The following MYOCD variants were observed in gnomAD, a reference collection of about 807,000 sequenced individuals.
The protein encoded by MYOCD is myocardin.
Under a neutral mutation model 96.1 loss-of-function variants are expected in MYOCD, and 32 were observed. That is an observed-to-expected ratio of 0.33 (90% CI 0.25 to 0.45). The LOEUF is 0.45. Ranked by LOEUF, MYOCD falls within the 20% of genes least tolerant of loss-of-function variation. The pLI, the probability that MYOCD is intolerant of heterozygous loss-of-function variation, is 1.00. For synonymous variants in MYOCD, 469 were observed against 469.0 expected (o/e 1.00, Z 0.00); for missense variants, 1,133 against 1,200.6 (o/e 0.94, Z 0.83).
chr17:12,717,400 G>C lies in MYOCD; in HGVS notation c.232G>C (p.Val78Leu), dbSNP rs760467742. ...AAACAGGTGCAACAGTGCCGACTTGGTTAATATGCACATACTCCAAGGTAA... is the reference window on the plus strand; with the variant it reads ...AAACAGGTGCAACAGTGCCGACTTGCTTAATATGCACATACTCCAAGGTAA... ...ARNRCNSADL[V>L]NMHILQASTA... The change falls in exon 4 of 14, where the codon GTT becomes CTT. Residue 78 changes from valine (V) to leucine (L), a missense_variant. Coordinates refer to ENST00000425538, the MANE Select transcript of MYOCD (RefSeq NM_001146312.3). The C allele has an allele frequency of 1.9e-6, 3 of 1,613,936 alleles. No individual in the cohort carries two copies. In the Admixed American group the frequency reaches 5.0e-5, roughly 27 times the overall value.
chr17:12,753,241 G>T lies in MYOCD; in HGVS notation c.1953G>T (p.Leu651Phe). ...GAVKSPQHIS[L>F]PPSPNNPHFL... ...TGAAAAGCCCACAGCACATCAGTTT[G>T]CCCCCATCACCCAACAACCCTCACT... The change falls in exon 10 of 14, where the codon TTG (leucine) becomes TTT (phenylalanine). Residue 651 changes from leucine to phenylalanine, a missense_variant. By Grantham distance (22) the Leu-to-Phe change is conservative. Transcript: ENST00000425538. The T allele has an allele frequency of 1.2e-6, 2 of 1,614,146 alleles. No homozygotes were observed. Among genetic ancestry groups the T allele is most frequent in the Non-Finnish European group, 1.7e-6 (2 of 1,180,038 alleles).
At chr17:12,691,420 C>G (rs979605982) in intron 1 of MYOCD, among the ~76,000 whole-genome samples, 1 of 152,156 alleles carries the variant, frequency 6.6e-6, no homozygotes. Flanking sequence ...TCAGGAGCCT[C>G]ATTCTAATTG....
chr17:12,699,908 CTTTT>C (rs35667292), intron 1 of MYOCD, among the ~76,000 whole-genome samples: 1 of 101,520 alleles, frequency 9.9e-6, no homozygotes, highest in African/African-American at 4.5e-5. Flanking sequence ...TTTTTTTTAC[CTTTT>C]TTTTTTTTTT....
At chr17:12,666,368 C>A in intron 1 of MYOCD, 125 bp downstream of exon 1, 1 of 735,968 alleles carries the variant, frequency 1.4e-6, no homozygotes, top group Non-Finnish European at 2.3e-6. Context: ...TCCCCAAAAG[C>A]ACATTGTGGA....
At chr17:12,745,789 AC>A (rs1393279458) in intron 8 of MYOCD, 129 bp from the exon 9 acceptor site, 1 of 919,992 alleles carries the variant, frequency 1.1e-6, no homozygotes, top group African/African-American at 1.7e-5. Flanking sequence ...GTTTTTCCTC[AC>A]CCTGGTCTCT....
At chr17:12,754,509 G>A (rs1196300059) in intron 10 of MYOCD, among the ~76,000 whole-genome samples, 1 of 152,228 alleles carries the variant, frequency 6.6e-6, no homozygotes, top group African/African-American at 2.4e-5. Flanking sequence ...GAAGGCAAAC[G>A]AGAAATAGCA....
chr17:12,688,390 T>C (rs2030241144), intron 1 of MYOCD, among the ~76,000 whole-genome samples: 1 of 152,250 alleles, frequency 6.6e-6, no homozygotes, highest in Non-Finnish European at 1.5e-5. Flanking sequence ...GTGAAATTCT[T>C]ACAGCAAATC....
intron 7 of MYOCD, among the ~76,000 whole-genome samples, chr17:12,739,959 A>G (rs11653172): frequency 0.52 from 79,629 of 151,778 alleles, 20,965 homozygotes; most frequent in East Asian, 0.62. Context: ...TTTTTGAGAC[A>G]GAGTCTCTCT....
At chr17:12,754,061 G>GGTTGTGT (rs1555535671) in intron 10 of MYOCD, among the ~76,000 whole-genome samples, 2 of 149,592 alleles carry the variant, frequency 1.3e-5, no homozygotes, top group African/African-American at 5.0e-5. Flanking sequence ...AAAGCAAAGA[G>GGTTGTGT]GTGTGTGTGT....
chr17:12,758,549 C>T (rs571595627), intron 12 of MYOCD, among the ~76,000 whole-genome samples: 2 of 152,162 alleles, frequency 1.3e-5, no homozygotes, highest in East Asian at 1.9e-4. Context: ...TCGCACTTAC[C>T]ACATTGTTCA....
intron 3 of MYOCD, among the ~76,000 whole-genome samples, chr17:12,716,700 G>T (rs993858274): frequency 6.6e-6 from 1 of 152,168 alleles, no homozygotes; most frequent in African/African-American, 2.4e-5. Flanking sequence ...GGAAATGGAG[G>T]CTGGGTGCTG....
At chr17:12,728,832 C>T (rs1271870197) in intron 5 of MYOCD, among the ~76,000 whole-genome samples, 1 of 152,146 alleles carries the variant, frequency 6.6e-6, no homozygotes, top group Non-Finnish European at 1.5e-5. Flanking sequence ...CATTGTCAAA[C>T]CTAAATTTGT....
Position 12,717,383 on chromosome 17 carries a change from G to A in MYOCD, c.215G>A (p.Cys72Tyr), listed in dbSNP as rs1456510665. The A allele has an allele frequency of 1.9e-6, 3 of 1,614,080 alleles. No individual in the cohort carries two copies. Among genetic ancestry groups the A allele is most frequent in the Non-Finnish European group, 2.5e-6 (3 of 1,179,984 alleles). Reference sequence around the variant, plus strand: ...CTGAAGCGCAAAGCCAGAAACAGGTGCAACAGTGCCGACTTGGTTAATATG... The same window carrying A: ...CTGAAGCGCAAAGCCAGAAACAGGTACAACAGTGCCGACTTGGTTAATATG... Reference protein sequence around the residue: ...NSLKRKARNRCNSADLVNMHI... With the variant: ...NSLKRKARNRYNSADLVNMHI... Residue 72 changes from cysteine (C) to tyrosine (Y), a missense_variant, in exon 4 of 14, where the codon TGC becomes TAC. Physicochemically the swap from Cys to Tyr is radical, Grantham distance 194. Transcript: ENST00000425538.
chr17:12,750,755 C>T (rs2032830282), intron 9 of MYOCD, among the ~76,000 whole-genome samples: 1 of 152,128 alleles, frequency 6.6e-6, no homozygotes, highest in Non-Finnish European at 1.5e-5. Context: ...CATTTGCCAA[C>T]TTAATCAATA....
chr17:12,693,670 A>G (rs2030592377), intron 1 of MYOCD, among the ~76,000 whole-genome samples: 2 of 146,706 alleles, frequency 1.4e-5, no homozygotes, highest in African/African-American at 2.5e-5. Flanking sequence ...AAATAAAATA[A>G]AATAAAATAA....
In MYOCD at chr17:12,758,088, G is replaced by A; in HGVS notation, c.2206G>A (p.Ala736Thr). Residue 736 changes from alanine (A) to threonine (T), a missense_variant, in exon 12 of 14, where the codon GCT becomes ACT. Ala to Thr is a moderately conservative substitution (Grantham distance 58, BLOSUM62 0). Transcript: ENST00000425538. ...TCTTCATATTTTACCCATGCAGATGGCTGGTTTACACTCTTCTGATAAGGT... is the reference window on the plus strand; with the variant it reads ...TCTTCATATTTTACCCATGCAGATGACTGGTTTACACTCTTCTGATAAGGT... ...PKSPCVQQKM[A>T]GLHSSDKVGP... 6.2e-7 allele frequency: 1 copy of A among 1,611,118 alleles called. No individual in the cohort carries two copies. Among genetic ancestry groups the A allele is most frequent in the South Asian group, 1.1e-5 (1 of 90,986 alleles).
intron 5 of MYOCD, among the ~76,000 whole-genome samples, chr17:12,723,813 C>A (rs1341319372): frequency 6.6e-6 from 1 of 152,152 alleles, no homozygotes; most frequent in Non-Finnish European, 1.5e-5. Flanking sequence ...TATTAATAAG[C>A]AGTGTATATT....
intron 9 of MYOCD, among the ~76,000 whole-genome samples, chr17:12,749,854 G>A (rs1233340212): frequency 6.6e-6 from 1 of 151,538 alleles, no homozygotes; most frequent in Non-Finnish European, 1.5e-5. Context: ...TTGTTTGTTT[G>A]TTTGTTTGTT....
Position 12,763,606 on chromosome 17 carries a change from T to C in MYOCD, c.2923T>C (p.Leu975=), listed in dbSNP as rs981310875. ...IDFLDVTDLN[L]NSSMDLHLQQ... ...TTTCCTGGATGTCACTGATCTCAATTTGAATTCTTCCATGGACCTTCACTT... is the reference window on the plus strand; with the variant it reads ...TTTCCTGGATGTCACTGATCTCAATCTGAATTCTTCCATGGACCTTCACTT... Residue 975 remains leucine, a synonymous_variant, in exon 14 of 14, where the codon TTG becomes CTG. Coordinates refer to ENST00000425538, the MANE Select transcript of MYOCD (RefSeq NM_001146312.3). 1.9e-6 allele frequency: 3 copies of C among 1,613,722 alleles called. No homozygotes were observed. The highest frequency in any genetic ancestry group is 2.7e-5 in the African/African-American group (2 of 74,914).
Sources: gnomAD v4.1 joint callset for allele counts (sites outside exome capture counted in the v4.1 genomes callset) on GRCh38, gnomAD v4.1.1 for gene constraint, MANE v1.5 for transcripts, NCBI Gene and HGNC (gene_info 2026-07-23, HGNC 2026-07-21) for gene names.